NSUN3: variants seen among roughly 807,000 people sequenced by gnomAD.
The protein encoded by NSUN3 is NOP2/Sun RNA methyltransferase 3.
Under a neutral mutation model 36.8 loss-of-function variants are expected in NSUN3, and 24 were observed. The observed-to-expected ratio is 0.65, with a 90% CI of 0.47 to 0.92. NSUN3 has a LOEUF of 0.92. Among genes scored for constraint, NSUN3 ranks in the 40% least tolerant of loss-of-function variants. The probability of loss-of-function intolerance (pLI) is 0.00; values close to 1 mark genes in which losing one functional copy is unlikely to be tolerated. For synonymous variants in NSUN3, 146 were observed against 145.2 expected, an observed-to-expected ratio of 1.01 and a Z score of -0.04; for missense variants, 381 against 392.8, an observed-to-expected ratio of 0.97 and a Z score of 0.25.
chr3:94,129,919 ATTTTTT>A lies in NSUN3; in HGVS notation c.*3432_*3437del, dbSNP rs1417471432. On this transcript the variant is annotated 3_prime_UTR_variant, in exon 6 of 6. Transcript: ENST00000314622. Reference sequence around the variant, plus strand: ...AGGCACCCGCCACCATGCTTGGCTAATTTTTTTTGTATTTTTAGTAAAGATGGGGTT... The same window carrying A: ...AGGCACCCGCCACCATGCTTGGCTAATTGTATTTTTAGTAAAGATGGGGTT... Among the ~76,000 whole-genome samples, 1 of 150,648 alleles carries A rather than the reference ATTTTTT, an allele frequency of 6.6e-6. No homozygotes were observed. The highest frequency in any genetic ancestry group is 2.4e-5 in the African/African-American group (1 of 40,978).
rs954321524 is a variant in NSUN3, at chr3:94,094,436, C to G, written c.621+142C>G. On this transcript the variant is annotated intron_variant, in intron 4 of 5. Coordinates refer to ENST00000314622, the MANE Select transcript of NSUN3 (RefSeq NM_022072.5). Reference sequence around the variant, plus strand: ...CCCTGGAAAATTTTGATAAAGTGAACATGGAAGCAGTTTTCATTTGATGGT... The same window carrying G: ...CCCTGGAAAATTTTGATAAAGTGAAGATGGAAGCAGTTTTCATTTGATGGT... The G allele has an allele frequency of 9.4e-6, 7 of 747,740 alleles. No homozygotes were observed. The South Asian group carries it at 1.4e-4, about 15-fold the overall frequency. The allele number at this position is 747,740 out of a possible 1,614,324, so 46.3% of individuals were successfully genotyped here. A position where few individuals can be genotyped will look rare whatever the true frequency, so the allele number is the denominator to read the frequency against.
At position 94,128,628 on chromosome 3, in the gene NSUN3, A is replaced by T. The variant is rs1341305238; in HGVS notation, c.*2138A>T. 1 of 150,822 alleles carries T rather than the reference A, an allele frequency of 6.6e-6. No individual in the cohort carries two copies. The highest frequency in any genetic ancestry group is 1.5e-5 in the Non-Finnish European group (1 of 67,736). 9.3% of individuals were successfully genotyped at this position (150,822 alleles called of 1,614,324 possible). On this transcript the variant is annotated 3_prime_UTR_variant, in exon 6 of 6. Coordinates refer to ENST00000314622, the MANE Select transcript of NSUN3 (RefSeq NM_022072.5). ...AATTTTATTAAAAGCAATTGCCCCA[A>T]AAGCAGAAATTGACAAGCGGGACCT... is the stretch of plus-strand genomic sequence containing the variant.
At chr3:94,071,096 T>G (rs1420516715) in intron 2 of NSUN3, among the ~76,000 whole-genome samples, 1 of 152,248 alleles carries the variant, frequency 6.6e-6, no homozygotes, top group Non-Finnish European at 1.5e-5. Flanking sequence ...TTTATTATAG[T>G]AAGAAGTAAT....
At chr3:94,102,276 T>A (rs2077369299) in intron 5 of NSUN3, among the ~76,000 whole-genome samples, 1 of 151,372 alleles carries the variant, frequency 6.6e-6, no homozygotes. Flanking sequence ...GAATACCTAG[T>A]TGACTGTGCA....
chr3:94,092,525 G>T (rs2077319560), intron 3 of NSUN3, among the ~76,000 whole-genome samples: 2 of 152,074 alleles, frequency 1.3e-5, no homozygotes, highest in Non-Finnish European at 2.9e-5. Context: ...ATGAAAACTA[G>T]CTGTACAGAT....
Position 94,104,151 on chromosome 3 carries a change from G to A in NSUN3, c.743+8997G>A, listed in dbSNP as rs563897604. Among the ~76,000 whole-genome samples the A allele has an allele frequency of 2.0e-5, 3 of 152,254 alleles. No homozygotes were observed. In the East Asian group the frequency reaches 5.8e-4, roughly 29 times the overall value. The stretch of plus-strand genomic sequence containing the variant: ...ACCACGTATCAACTTCATAAGGTAT[G>A]TTGTGACATAACCTAAATGCTCCCC... On this transcript the variant is annotated intron_variant, in intron 5 of 5. Transcript: ENST00000314622.
rs955370611 is a variant in NSUN3, at chr3:94,063,214, G to T, written c.12+76G>T. The T allele has an allele frequency of 2.1e-6, 3 of 1,432,736 alleles. No individual in the cohort carries two copies. The African/African-American group carries it at 4.2e-5, about 20-fold the overall frequency. 88.8% of individuals were successfully genotyped at this position (1,432,736 alleles called of 1,614,324 possible). A position where few individuals can be genotyped will look rare whatever the true frequency, so the allele number is the denominator to read the frequency against. The stretch of plus-strand genomic sequence containing the variant: ...GACGCGGCCGAGGTGGCGAGGGAGG[G>T]TGCTGGGATGGGGGAACATCACCTT... On this transcript the variant is annotated intron_variant, in intron 1 of 5. Coordinates refer to ENST00000314622, the MANE Select transcript of NSUN3 (RefSeq NM_022072.5).
intron 5 of NSUN3, among the ~76,000 whole-genome samples, chr3:94,106,888 A>T (rs915088618): frequency 6.6e-6 from 1 of 152,228 alleles, no homozygotes; most frequent in African/African-American, 2.4e-5. Context: ...TGAAGAAAAA[A>T]TTCCCAAAAT....
chr3:94,083,967 C>G (rs949139192), intron 2 of NSUN3, 140 bp from the exon 3 acceptor site: 5 of 641,786 alleles, frequency 7.8e-6, no homozygotes, highest in African/African-American at 3.7e-5. Context: ...AAGGAAGAGT[C>G]AGGAATACTG....
Sources: gnomAD v4.1 joint callset for allele counts (sites outside exome capture counted in the v4.1 genomes callset) on GRCh38, gnomAD v4.1.1 for gene constraint, MANE v1.5 for transcripts, NCBI Gene and HGNC (gene_info 2026-07-23, HGNC 2026-07-21) for gene names.